HMMR: variants seen among roughly 807,000 people sequenced by gnomAD.
HMMR encodes the protein intracellular hyaluronic acid-binding protein.
A neutral mutation model predicts 101.0 loss-of-function variants in HMMR; 108 were observed. That is an observed-to-expected ratio of 1.07 (90% CI 0.92 to 1.25). The LOEUF (loss-of-function observed/expected upper bound fraction) is 1.25, where lower values mean the gene tolerates loss of function less well. Ranked by LOEUF, HMMR falls within the 50% of genes most tolerant of loss-of-function variation. The probability of loss-of-function intolerance (pLI) is 0.00; values close to 1 mark genes in which losing one functional copy is unlikely to be tolerated. For synonymous variants in HMMR, 296 were observed against 276.4 expected, an observed-to-expected ratio of 1.07 and a Z score of -0.70; for missense variants, 813 against 788.7, an observed-to-expected ratio of 1.03 and a Z score of -0.37.
At chr5:163,462,335 C>T (rs935718306) in intron 1 of HMMR, among the ~76,000 whole-genome samples, 3 of 151,058 alleles carry the variant, frequency 2.0e-5, no homozygotes, top group Non-Finnish European at 4.4e-5. Context: ...AGTACTCCAG[C>T]CTGGGTGACA....
At chr5:163,462,796 C>T (rs902596752) in intron 1 of HMMR, among the ~76,000 whole-genome samples, 4 of 142,494 alleles carry the variant, frequency 2.8e-5, no homozygotes, top group Non-Finnish European at 6.0e-5. Context: ...CCACTACACT[C>T]CAGCCTAGAC....
At chr5:163,463,746 G>A in intron 1 of HMMR, 110 bp from the exon 2 acceptor site, 1 of 454,784 alleles carries the variant, frequency 2.2e-6, no homozygotes, top group Non-Finnish European at 3.9e-6. Context: ...TTTAAAAAAA[G>A]CAGTTTGTTA....
chr5:163,476,531 A>AG (rs1759075240), intron 11 of HMMR, among the ~76,000 whole-genome samples: 1 of 152,210 alleles, frequency 6.6e-6, no homozygotes, highest in Non-Finnish European at 1.5e-5. Flanking sequence ...GCTACTCAGG[A>AG]GGCTGAGATG....
rs1758945630 is a variant in HMMR, at chr5:163,473,047, A to G, written c.651-132A>G. 6 of 507,962 alleles carry G rather than the reference A, an allele frequency of 1.2e-5. No homozygotes were observed. The South Asian group carries it at 1.7e-4, about 14-fold the overall frequency. The allele number at this position is 507,962 out of a possible 1,614,324, so 31.5% of individuals were successfully genotyped here. On this transcript the variant is annotated intron_variant, in intron 7 of 17. Coordinates refer to ENST00000393915, the MANE Select transcript of HMMR (RefSeq NM_001142556.2). Reference sequence around the variant, plus strand: ...GTAAATTGTGAATTTGAGAAATTACATAAAATAATAGTTAAGAGTTAGGGC... The same window carrying G: ...GTAAATTGTGAATTTGAGAAATTACGTAAAATAATAGTTAAGAGTTAGGGC...
At chr5:163,475,008 A>G (rs1038299656) in intron 10 of HMMR, among the ~76,000 whole-genome samples, 1 of 151,986 alleles carries the variant, frequency 6.6e-6, no homozygotes, top group East Asian at 1.9e-4. Flanking sequence ...AACTAAAATT[A>G]GGGGGGGAAG....
chr5:163,485,666 C>T (rs1414400411), intron 16 of HMMR, among the ~76,000 whole-genome samples: 2 of 152,158 alleles, frequency 1.3e-5, no homozygotes, highest in Non-Finnish European at 2.9e-5. Flanking sequence ...ACTTTTATGA[C>T]GTCCAGTGTG....
chr5:163,469,117 C>T (rs1758787017), intron 4 of HMMR, among the ~76,000 whole-genome samples: 1 of 152,072 alleles, frequency 6.6e-6, no homozygotes, highest in South Asian at 2.1e-4. Flanking sequence ...GTAATCCTAG[C>T]ACTTTGGGAG....
chr5:163,477,222 A>G (rs1759096283), intron 11 of HMMR, among the ~76,000 whole-genome samples: 1 of 152,224 alleles, frequency 6.6e-6, no homozygotes, highest in Non-Finnish European at 1.5e-5. Context: ...TTCATAGTTC[A>G]GGAACACAGG....
chr5:163,464,320 A>G (rs1758630860), intron 2 of HMMR, among the ~76,000 whole-genome samples: 1 of 152,228 alleles, frequency 6.6e-6, no homozygotes, highest in Non-Finnish European at 1.5e-5. Context: ...CAAAAGTTGT[A>G]ATTAGAAATT....
Position 163,484,145 on chromosome 5 carries a change from A to T in HMMR, c.1862A>T (p.Lys621Ile). Residue 621 changes from lysine to isoleucine, a missense_variant, in exon 16 of 18, where the codon AAA becomes ATA. By Grantham distance (102) the Lys-to-Ile change is moderately radical. Coordinates refer to ENST00000393915, the MANE Select transcript of HMMR (RefSeq NM_001142556.2). ...EHGAAQEQLN[K>I]IRDSYAKLLG... ...GGTGCAGCTCAGGAACAGCTAAATA[A>T]AATAAGAGATTCATATGCTAAATTA... is the stretch of plus-strand genomic sequence containing the variant. The T allele has an allele frequency of 6.2e-7, 1 of 1,605,092 alleles. No homozygotes were observed. The highest frequency in any genetic ancestry group is 2.2e-5 in the East Asian group (1 of 44,622).
At chr5:163,485,128 C>T (rs1759431613) in intron 16 of HMMR, among the ~76,000 whole-genome samples, 1 of 152,008 alleles carries the variant, frequency 6.6e-6, no homozygotes, top group Non-Finnish European at 1.5e-5. Context: ...TATTATTTCC[C>T]TGGGAAATAA....
intron 16 of HMMR, among the ~76,000 whole-genome samples, chr5:163,486,481 G>A (rs1759479761): frequency 6.6e-6 from 1 of 152,048 alleles, no homozygotes. Flanking sequence ...CTTGTATCCT[G>A]CACCCTTGCT....
Position 163,491,216 on chromosome 5 carries a change from G to T in HMMR, c.*52G>T. The T allele has an allele frequency of 9.9e-7, 1 of 1,010,262 alleles. No individual in the cohort carries two copies. 62.6% of individuals were successfully genotyped at this position (1,010,262 alleles called of 1,614,324 possible). A position where few individuals can be genotyped will look rare whatever the true frequency, so the allele number is the denominator to read the frequency against. ...TTTCATTCGTCTTGTTGTTATTGAT[G>T]TTGCTGTTATTATATTTGACATGGG... On this transcript the variant is annotated 3_prime_UTR_variant, in exon 18 of 18. Coordinates refer to ENST00000393915, the MANE Select transcript of HMMR (RefSeq NM_001142556.2).
At chr5:163,474,974 T>C (rs1370851535) in intron 10 of HMMR, among the ~76,000 whole-genome samples, 1 of 151,950 alleles carries the variant, frequency 6.6e-6, no homozygotes, top group Admixed American at 6.6e-5. Flanking sequence ...TATTCCAAAC[T>C]AGTAGCTATC....
rs115472276 is a variant in HMMR, at chr5:163,473,771, G to A, written c.904+214G>A. On this transcript the variant is annotated intron_variant, in intron 9 of 17. Coordinates refer to ENST00000393915, the MANE Select transcript of HMMR (RefSeq NM_001142556.2). Reference sequence around the variant, plus strand: ...TTTGTTTTCTGTTTATTTCAATACAGCATATTACCTGTCTTGATTGAAATA... The same window carrying A: ...TTTGTTTTCTGTTTATTTCAATACAACATATTACCTGTCTTGATTGAAATA... Among the ~76,000 whole-genome samples the A allele has an allele frequency of 7.1e-3, 1,079 of 152,016 alleles. 13 individuals carry two copies. Among genetic ancestry groups the A allele is most frequent in the African/African-American group, 0.025 (1,021 of 41,502 alleles).
intron 12 of HMMR, among the ~76,000 whole-genome samples, chr5:163,480,225 C>A (rs1759210670): frequency 6.6e-6 from 1 of 152,102 alleles, no homozygotes; most frequent in Non-Finnish European, 1.5e-5. Context: ...TGCTTTTTCC[C>A]CCCTGTGTAT....
intron 10 of HMMR, 50 bp from the exon 11 acceptor site, chr5:163,475,408 C>T (rs1253489697): frequency 1.5e-5 from 16 of 1,082,406 alleles, no homozygotes; most frequent in Non-Finnish European, 2.0e-5. Flanking sequence ...CCTAGTACAA[C>T]CTCACAATGC....
intron 9 of HMMR, 83 bp downstream of exon 9, chr5:163,473,640 CTTTTAAATATAATTAGCTATACTAACA>C: frequency 3.8e-6 from 3 of 793,484 alleles, no homozygotes; most frequent in East Asian, 5.7e-5. Context: ...CTAAAACAAC[CTTTTAAATATAATTAGCTATACTAACA>C]TTTTAAATAT....
Position 163,490,252 on chromosome 5 carries a change from C to T in HMMR, c.1963-138C>T, listed in dbSNP as rs200386613. 5.0e-4 allele frequency: 281 copies of T among 562,526 alleles called. No homozygotes were observed. In the African/African-American group the frequency reaches 5.2e-3, roughly 10 times the overall value. 34.8% of individuals were successfully genotyped at this position (562,526 alleles called of 1,614,324 possible). ...GTCATTTTGTAATTCAGTCTTAAAG[C>T]CTGTGTCTAGTAGTGATTTTTGCTG... On this transcript the variant is annotated intron_variant, in intron 16 of 17. Transcript: ENST00000393915.
Sources: gnomAD v4.1 joint callset for allele counts (sites outside exome capture counted in the v4.1 genomes callset) on GRCh38, gnomAD v4.1.1 for gene constraint, MANE v1.5 for transcripts, NCBI Gene and HGNC (gene_info 2026-07-23, HGNC 2026-07-21) for gene names.